Variants in PAPPA observed in about 807,000 individuals in gnomAD.
PAPPA encodes the protein pappalysin 1.
PAPPA carries 60 observed loss-of-function variants against 164.0 expected under a neutral mutation model. The observed-to-expected ratio is 0.37, with a 90% CI of 0.30 to 0.45. The LOEUF (loss-of-function observed/expected upper bound fraction) is 0.45. Among genes scored for constraint, PAPPA ranks in the 20% least tolerant of loss-of-function variants. PAPPA has a pLI of 1.00. For missense variants in PAPPA, 1,782 were observed against 2,087.3 expected (o/e 0.85, Z 2.85); for synonymous variants, 875 against 814.1 (o/e 1.07, Z -1.27).
chr9:116,388,689 C>T (rs1846849038), intron 21 of PAPPA, among the ~76,000 whole-genome samples: 1 of 152,160 alleles, frequency 6.6e-6, no homozygotes, highest in Admixed American at 6.5e-5. Context: ...TGCCTAAGGA[C>T]TCTTCACATG....
intron 2 of PAPPA, among the ~76,000 whole-genome samples, chr9:116,201,823 C>G (rs918467436): frequency 1.3e-5 from 2 of 152,176 alleles, no homozygotes; most frequent in Non-Finnish European, 2.9e-5. Context: ...TTATTCTAAC[C>G]TGAAAGAACT....
At chr9:116,321,175 C>G (rs1178890207) in intron 10 of PAPPA, among the ~76,000 whole-genome samples, 1 of 151,828 alleles carries the variant, frequency 6.6e-6, no homozygotes, top group Admixed American at 6.6e-5. Context: ...CTACAGGCGC[C>G]CACCACCGCA....
chr9:116,337,676 A>T (rs1193265478), intron 13 of PAPPA, among the ~76,000 whole-genome samples: 1 of 123,472 alleles, frequency 8.1e-6, no homozygotes. Flanking sequence ...CTTTTCTCCC[A>T]CCTCTCCATC....
chr9:116,345,964 G>A (rs1588013809), intron 14 of PAPPA, among the ~76,000 whole-genome samples: 1 of 152,152 alleles, frequency 6.6e-6, no homozygotes, highest in East Asian at 1.9e-4. Flanking sequence ...ATTCCTTACT[G>A]CTGGGAATGC....
At chr9:116,200,648 C>G (rs991245241) in intron 2 of PAPPA, among the ~76,000 whole-genome samples, 1 of 152,110 alleles carries the variant, frequency 6.6e-6, no homozygotes, top group Non-Finnish European at 1.5e-5. Flanking sequence ...TTCATTTATT[C>G]GTCTCACTTT....
chr9:116,282,308 A>G (rs2118845430), intron 9 of PAPPA, among the ~76,000 whole-genome samples: 1 of 152,356 alleles, frequency 6.6e-6, no homozygotes, highest in African/African-American at 2.4e-5. Context: ...AAGAACAAGA[A>G]AAAATGTCTA....
Position 116,153,993 on chromosome 9 carries a change from G to C in PAPPA, c.-180G>C. 1 of 655,398 alleles carries C rather than the reference G, an allele frequency of 1.5e-6. No individual in the cohort carries two copies. Among genetic ancestry groups the C allele is most frequent in the Non-Finnish European group, 2.0e-6 (1 of 492,792 alleles). The allele number at this position is 655,398 out of a possible 1,614,324, so 40.6% of individuals were successfully genotyped here. ...GTTGGGCTGTATTTTTCAAAGGTGG[G>C]GAGAGTGGAGCACACACCTTGAGGA... On this transcript the variant is annotated 5_prime_UTR_variant, in exon 1 of 22. Coordinates refer to ENST00000328252, the MANE Select transcript of PAPPA (RefSeq NM_002581.5).
At chr9:116,334,828 C>A in intron 12 of PAPPA, 33 bp from the exon 13 acceptor site, 2 of 1,553,418 alleles carry the variant, frequency 1.3e-6, no homozygotes, top group Non-Finnish European at 1.8e-6. Context: ...AGTAATGAGC[C>A]TGGCCCCTCG....
intron 7 of PAPPA, among the ~76,000 whole-genome samples, chr9:116,239,272 A>T (rs1844708888): frequency 6.6e-6 from 1 of 152,076 alleles, no homozygotes; most frequent in African/African-American, 2.4e-5. Context: ...TTAAGTGGAA[A>T]CCCCTCTATC....
intron 7 of PAPPA, among the ~76,000 whole-genome samples, chr9:116,237,489 C>T (rs180923198): frequency 3.9e-5 from 6 of 152,036 alleles, no homozygotes; most frequent in East Asian, 3.9e-4. Flanking sequence ...TTTTTTGCCT[C>T]GAGTTACGAG....
intron 2 of PAPPA, 87 bp downstream of exon 2, chr9:116,188,303 G>T: frequency 1.1e-6 from 1 of 944,156 alleles, no homozygotes. Flanking sequence ...AGGCCAGTGG[G>T]TGATATGGGG....
intron 19 of PAPPA, among the ~76,000 whole-genome samples, chr9:116,375,482 T>G (rs1846637399): frequency 6.6e-6 from 1 of 152,230 alleles, no homozygotes; most frequent in South Asian, 2.1e-4. Flanking sequence ...TCTGATGCTC[T>G]AGAAGACAGG....
intron 7 of PAPPA, among the ~76,000 whole-genome samples, chr9:116,264,728 T>C (rs886254192): frequency 8.5e-5 from 13 of 152,222 alleles, no homozygotes; most frequent in African/African-American, 3.1e-4. Context: ...TTTGTGTTTT[T>C]TCCCATGGTA....
intron 1 of PAPPA, among the ~76,000 whole-genome samples, chr9:116,155,532 C>G (rs1427059866): frequency 2.0e-5 from 3 of 152,176 alleles, no homozygotes; most frequent in African/African-American, 7.2e-5. Flanking sequence ...TGGGAGATTC[C>G]CTTTCTGCAC....
At chr9:116,330,422 T>C (rs146994142) in intron 10 of PAPPA, among the ~76,000 whole-genome samples, 24 of 152,300 alleles carry the variant, frequency 1.6e-4, no homozygotes, top group African/African-American at 5.8e-4. Context: ...CCCAGAGTGT[T>C]TGACAAGCAA....
chr9:116,158,082 C>T (rs549287027), intron 1 of PAPPA, among the ~76,000 whole-genome samples: 3 of 152,270 alleles, frequency 2.0e-5, no homozygotes, highest in South Asian at 2.1e-4. Context: ...CTTAGTGATT[C>T]GGAATTCCTG....
At chr9:116,268,505 T>C (rs531379848) in intron 8 of PAPPA, among the ~76,000 whole-genome samples, 1 of 152,226 alleles carries the variant, frequency 6.6e-6, no homozygotes, top group African/African-American at 2.4e-5. Context: ...TAACTCATAA[T>C]TGTGATTTGG....
At chr9:116,176,476 C>G (rs112205392) in intron 1 of PAPPA, among the ~76,000 whole-genome samples, 1 of 151,972 alleles carries the variant, frequency 6.6e-6, no homozygotes, top group Non-Finnish European at 1.5e-5. Context: ...TTTTTCATAC[C>G]CTTTATGGTG....
Position 116,396,474 on chromosome 9 carries a change from G to C in PAPPA, c.4777-35G>C, listed in dbSNP as rs1213313057. 2.4e-5 allele frequency: 19 copies of C among 780,158 alleles called. No homozygotes were observed. The Admixed American group carries it at 3.2e-4, about 13-fold the overall frequency. The allele number at this position is 780,158 out of a possible 1,614,324, so 48.3% of individuals were successfully genotyped here. A position where few individuals can be genotyped will look rare whatever the true frequency, so the allele number is the denominator to read the frequency against. ...TGCCTTTCTGATCATTACTGCTTCA[G>C]ACCAAATCACCTGATTCACTTCTTC... On this transcript the variant is annotated intron_variant, in intron 21 of 21. Transcript: ENST00000328252.
Sources: gnomAD v4.1 joint callset for allele counts (sites outside exome capture counted in the v4.1 genomes callset) on GRCh38, gnomAD v4.1.1 for gene constraint, MANE v1.5 for transcripts, NCBI Gene and HGNC (gene_info 2026-07-23, HGNC 2026-07-21) for gene names.